Variants in KIF2C observed in about 807,000 individuals in gnomAD.
The protein encoded by KIF2C is kinesin-like protein KIF2C.
In KIF2C, 34 loss-of-function variants were observed where a neutral mutation model predicts 97.4. That is an observed-to-expected ratio of 0.35 (90% confidence interval 0.27 to 0.46). The LOEUF is 0.46. KIF2C is among the 20% of genes least tolerant of loss of function. KIF2C has a pLI of 1.00. For missense variants in KIF2C, 750 were observed against 907.6 expected (o/e 0.83, Z 2.23); for synonymous variants, 313 against 318.2 (o/e 0.98, Z 0.17).
intron 2 of KIF2C, among the ~76,000 whole-genome samples, chr1:44,743,084 A>G (rs1649017076): frequency 6.6e-6 from 1 of 152,200 alleles, no homozygotes; most frequent in African/African-American, 2.4e-5. Context: ...CAGCCGCAAA[A>G]CAGCTGAAAA....
chr1:44,765,627 GA>G (rs1650417834), intron 19 of KIF2C, among the ~76,000 whole-genome samples: 1 of 152,228 alleles, frequency 6.6e-6, no homozygotes, highest in African/African-American at 2.4e-5. Context: ...AAGGTCAGGA[GA>G]TCAAGACCAT....
chr1:44,764,717 C>T (rs1317970378), intron 19 of KIF2C, among the ~76,000 whole-genome samples: 4 of 151,860 alleles, frequency 2.6e-5, no homozygotes, highest in Non-Finnish European at 5.9e-5. Context: ...CCATGTTGGT[C>T]AGGCTGGTCT....
chr1:44,746,019 G>C (rs996203185), intron 2 of KIF2C, among the ~76,000 whole-genome samples: 1 of 152,038 alleles, frequency 6.6e-6, no homozygotes. Context: ...TGGGATTACA[G>C]GTGCACGCTG....
chr1:44,747,307 CAAAA>C (rs34903658), intron 2 of KIF2C, 73 bp from the exon 3 acceptor site: 264 of 989,714 alleles, frequency 2.7e-4, no homozygotes, highest in Admixed American at 4.7e-4. Flanking sequence ...TACTCTGTCT[CAAAA>C]AAAAAAAAAA....
At position 44,753,682 on chromosome 1, in the gene KIF2C, G is replaced by A. The variant is rs1649648252; in HGVS notation, c.563-51G>A. ...AGAGAAGAGTAGGCTGGCTTAAACT[G>A]GTAACAGAGTGGGCTTCCTTTTTTT... On this transcript the variant is annotated intron_variant, in intron 6 of 20. Coordinates refer to ENST00000372224, the MANE Select transcript of KIF2C (RefSeq NM_006845.4). 4 of 1,336,816 alleles carry A rather than the reference G, an allele frequency of 3.0e-6. No homozygotes were observed. In the South Asian group the frequency reaches 5.2e-5, roughly 17 times the overall value. 82.8% of individuals were successfully genotyped at this position (1,336,816 alleles called of 1,614,324 possible). A position where few individuals can be genotyped will look rare whatever the true frequency, so the allele number is the denominator to read the frequency against.
chr1:44,757,603 C>G lies in KIF2C; in HGVS notation c.1025C>G (p.Ala342Gly). 3.7e-6 allele frequency: 6 copies of G among 1,613,924 alleles called. No homozygotes were observed. The highest frequency in any genetic ancestry group is 5.1e-6 in the Non-Finnish European group (6 of 1,179,788). The change falls in exon 11 of 21, where the codon GCA (alanine) becomes GGA (glycine). Residue 342 changes from alanine (A) to glycine (G), a missense_variant. Ala to Gly is a moderately conservative substitution (Grantham distance 60). Transcript: ENST00000372224. Reference protein sequence around the residue: ...LVQTIFEGGKATCFAYGQTGS... With the variant: ...LVQTIFEGGKGTCFAYGQTGS... Reference sequence around the variant, plus strand: ...CAGACAATCTTTGAAGGTGGAAAAGCAACTTGTTTTGCATATGGCCAGACA... The same window carrying G: ...CAGACAATCTTTGAAGGTGGAAAAGGAACTTGTTTTGCATATGGCCAGACA...
chr1:44,742,739 AAACTGCACAG>A (rs1648999259), intron 2 of KIF2C, among the ~76,000 whole-genome samples: 4 of 146,074 alleles, frequency 2.7e-5, no homozygotes, highest in Admixed American at 6.8e-5. Flanking sequence ...AAAAAAAAAC[AAACTGCACAG>A]AATTTTAGGT....
intron 4 of KIF2C, among the ~76,000 whole-genome samples, chr1:44,750,079 CAAAAAAAAAAA>C (rs67811341): frequency 1.5e-5 from 1 of 68,306 alleles, no homozygotes; most frequent in East Asian, 4.3e-4. Context: ...CGAAACTCCT[CAAAAAAAAAAA>C]AAAAAAAAAG....
In KIF2C at chr1:44,761,905, C is replaced by T. The variant is rs1052904112; in HGVS notation, c.1684-11C>T. The T allele has an allele frequency of 2.5e-6, 4 of 1,614,036 alleles. No individual in the cohort carries two copies. Among genetic ancestry groups the T allele is most frequent in the Non-Finnish European group, 3.4e-6 (4 of 1,179,892 alleles). ...CCTCTCAGCCTTTAATCACCCACCC[C>T]TCTTTTGCAGATTGCCACGATCTCA... On this transcript the variant is annotated splice_polypyrimidine_tract_variant and intron_variant, in intron 16 of 20. Transcript: ENST00000372224.
chr1:44,764,811 ATATC>A (rs1336439689), intron 19 of KIF2C, among the ~76,000 whole-genome samples: 2 of 152,104 alleles, frequency 1.3e-5, no homozygotes, highest in South Asian at 2.1e-4. Flanking sequence ...GCCCAGTCGT[ATATC>A]TATTATTTAA....
intron 7 of KIF2C, among the ~76,000 whole-genome samples, chr1:44,754,117 G>T (rs1649688051): frequency 6.6e-6 from 1 of 151,674 alleles, no homozygotes. Flanking sequence ...CTAATTTTTT[G>T]TATTTTTAGT....
At chr1:44,744,756 C>T (rs374167636) in intron 2 of KIF2C, among the ~76,000 whole-genome samples, 3 of 151,726 alleles carry the variant, frequency 2.0e-5, no homozygotes, top group Admixed American at 1.3e-4. Flanking sequence ...AAAACTTAGC[C>T]GGATGTGGTG....
intron 4 of KIF2C, 38 bp from the exon 5 acceptor site, chr1:44,750,404 C>A: frequency 7.5e-7 from 1 of 1,339,048 alleles, no homozygotes; most frequent in Non-Finnish European, 9.7e-7. Flanking sequence ...CCCTCGAGAT[C>A]GTGCAGCACT....
intron 13 of KIF2C, among the ~76,000 whole-genome samples, chr1:44,758,670 T>A (rs771627943): frequency 1.3e-5 from 2 of 151,342 alleles, no homozygotes; most frequent in Non-Finnish European, 2.9e-5. Flanking sequence ...AGGTCAGGAG[T>A]TTGAGACCAG....
At position 44,755,928 on chromosome 1, in the gene KIF2C, G is replaced by A; in HGVS notation, c.760-1G>A. The A allele has an allele frequency of 3.1e-6, 5 of 1,613,798 alleles. No homozygotes were observed. Among genetic ancestry groups the A allele is most frequent in the Non-Finnish European group, 4.2e-6 (5 of 1,179,932 alleles). ...GGTTGCCTCCTCTCATCCGCTTGCA[G>A]ATCGAAGAGCACAGAATATGTGTCT... On this transcript the variant is annotated splice_acceptor_variant, in intron 8 of 20. Coordinates refer to ENST00000372224, the MANE Select transcript of KIF2C (RefSeq NM_006845.4). LOFTEE classifies it high-confidence loss of function.
chr1:44,761,777 G>A (rs1557600701), intron 16 of KIF2C, 139 bp from the exon 17 acceptor site: 2 of 775,108 alleles, frequency 2.6e-6, no homozygotes, highest in Non-Finnish European at 4.5e-6. Flanking sequence ...ACAGCGCGGT[G>A]CTAAATGACT....
intron 4 of KIF2C, among the ~76,000 whole-genome samples, chr1:44,748,471 T>C (rs1649336655): frequency 6.6e-6 from 1 of 152,218 alleles, no homozygotes; most frequent in South Asian, 2.1e-4. Context: ...CGTAAGGTCA[T>C]GCAGGAGAGT....
intron 19 of KIF2C, 35 bp from the exon 20 acceptor site, chr1:44,766,791 G>C (rs1416255591): frequency 6.2e-7 from 1 of 1,610,992 alleles, no homozygotes; most frequent in Non-Finnish European, 8.5e-7. Flanking sequence ...TTGCTAAATG[G>C]TTATTGAACT....
At chr1:44,746,312 A>T (rs1281896304) in intron 2 of KIF2C, 1 of 960,862 alleles carries the variant, frequency 1.0e-6, no homozygotes, top group Non-Finnish European at 1.2e-6. Flanking sequence ...GTGAAGTTTG[A>T]GTTGTTCCTG....
Sources: gnomAD v4.1 joint callset for allele counts (sites outside exome capture counted in the v4.1 genomes callset) on GRCh38, gnomAD v4.1.1 for gene constraint, MANE v1.5 for transcripts, NCBI Gene and HGNC (gene_info 2026-07-23, HGNC 2026-07-21) for gene names.